Variants in ARFGEF1 observed in about 807,000 individuals in gnomAD.
ARFGEF1 encodes the protein ARF guanine nucleotide exchange factor 1.
ARFGEF1 carries 42 observed loss-of-function variants against 231.0 expected under a neutral mutation model. That is an observed-to-expected ratio of 0.18 (90% CI 0.14 to 0.24). The LOEUF is 0.24. Ranked by LOEUF, ARFGEF1 falls within the 10% of genes least tolerant of loss-of-function variation. The pLI is 1.00. For missense variants in ARFGEF1, 1,345 were observed against 2,192.0 expected (o/e 0.61, Z 7.72); for synonymous variants, 710 against 732.3 (o/e 0.97, Z 0.49).
chr8:67,231,627 GA>G (rs1730679357), intron 23 of ARFGEF1, among the ~76,000 whole-genome samples: 1 of 152,038 alleles, frequency 6.6e-6, no homozygotes, highest in African/African-American at 2.4e-5. Context: ...TGGAAGGCAA[GA>G]AAATCATTGA....
intron 29 of ARFGEF1, 60 bp downstream of exon 29, chr8:67,224,829 TGTTTATAAAGAAGA>T: frequency 9.5e-7 from 1 of 1,055,796 alleles, no homozygotes; most frequent in Non-Finnish European, 1.3e-6. Context: ...TGTGAGATTG[TGTTTATAAAGAAGA>T]GTTAATTTGA....
At chr8:67,204,576 T>C (rs1244566548) in intron 35 of ARFGEF1, 104 bp downstream of exon 35, 24 of 1,326,282 alleles carry the variant, frequency 1.8e-5, no homozygotes, top group Admixed American at 2.3e-5. Flanking sequence ...ATCTGTATGA[T>C]GAAGGCCCCA....
chr8:67,343,065 G>A, intron 1 of ARFGEF1, 99 bp downstream of exon 1: 5 of 1,371,096 alleles, frequency 3.6e-6, no homozygotes, highest in Non-Finnish European at 4.9e-6. Context: ...TCAGAGGCGC[G>A]GGCCTCGGGC....
In ARFGEF1 at chr8:67,203,361, A is replaced by G. The variant is rs1838400071; in HGVS notation, c.4960-110T>C. On this transcript the variant is annotated intron_variant, in intron 35 of 38. Transcript: ENST00000262215. ...TTTTACAAGAAAGCCACAGATACTC[A>G]GCTTGATCTAACCTAACAGAAAGTA... The G allele has an allele frequency of 2.3e-5, 28 of 1,243,992 alleles. 1 individual carries two copies. The South Asian group carries it at 3.9e-4, about 17-fold the overall frequency. 77.1% of individuals were successfully genotyped at this position (1,243,992 alleles called of 1,614,324 possible).
At chr8:67,202,586 T>C (rs1449606075) in intron 36 of ARFGEF1, among the ~76,000 whole-genome samples, 2 of 152,174 alleles carry the variant, frequency 1.3e-5, no homozygotes, top group African/African-American at 4.8e-5. Flanking sequence ...AAATTAACAA[T>C]GTCACTTTGG....
chr8:67,198,817 A>AC lies in ARFGEF1; in HGVS notation c.*116dup. On this transcript the variant is annotated 3_prime_UTR_variant, in exon 39 of 39. Coordinates refer to ENST00000262215, the MANE Select transcript of ARFGEF1 (RefSeq NM_006421.5). ...TTGAGTAAGACTTCTAAGCATCTTTACCAGTAACTCAGACACTGCAATCCA... is the reference window on the plus strand; with the variant it reads ...TTGAGTAAGACTTCTAAGCATCTTTACCCAGTAACTCAGACACTGCAATCCA... 1 of 1,486,208 alleles carries AC rather than the reference A, an allele frequency of 6.7e-7. No homozygotes were observed. Among genetic ancestry groups the AC allele is most frequent in the Non-Finnish European group, 8.9e-7 (1 of 1,123,336 alleles). 92.1% of individuals were successfully genotyped at this position (1,486,208 alleles called of 1,614,324 possible).
chr8:67,195,517 T>G, downstream of ARFGEF1: 1 of 1,614,206 alleles, frequency 6.2e-7, no homozygotes. Flanking sequence ...GCAGAGCAGC[T>G]GAACCAGGAG....
intron 1 of ARFGEF1, among the ~76,000 whole-genome samples, chr8:67,308,135 C>A (rs1005876114): frequency 6.6e-6 from 1 of 152,212 alleles, no homozygotes; most frequent in African/African-American, 2.4e-5. Flanking sequence ...CAGTTCCTGG[C>A]CATTCACATC....
chr8:67,261,011 C>CTAAGAAA (rs1804596654), intron 14 of ARFGEF1, among the ~76,000 whole-genome samples: 2 of 152,116 alleles, frequency 1.3e-5, no homozygotes, highest in Non-Finnish European at 2.9e-5. Context: ...GTCTATGAGG[C>CTAAGAAA]TAAGAAAGGT....
At chr8:67,313,498 C>G (rs1297684007) in intron 1 of ARFGEF1, among the ~76,000 whole-genome samples, 1 of 152,170 alleles carries the variant, frequency 6.6e-6, no homozygotes, top group South Asian at 2.1e-4. Flanking sequence ...GTACTCTCCC[C>G]CTTTTCCCAT....
chr8:67,338,760 A>G (rs1178857503), intron 1 of ARFGEF1, among the ~76,000 whole-genome samples: 1 of 152,216 alleles, frequency 6.6e-6, no homozygotes, highest in Non-Finnish European at 1.5e-5. Context: ...CCATCTCAAA[A>G]ATTCAGGTAG....
chr8:67,272,379 G>C (rs1005814469), intron 9 of ARFGEF1, among the ~76,000 whole-genome samples: 3 of 151,968 alleles, frequency 2.0e-5, no homozygotes, highest in Non-Finnish European at 2.9e-5. Context: ...TGTTAGTCAA[G>C]ATGGTCTTGA....
downstream of ARFGEF1, among the ~76,000 whole-genome samples, chr8:67,194,789 A>ACAAT (rs1308056924): frequency 1.6e-4 from 24 of 152,316 alleles, no homozygotes; most frequent in East Asian, 3.9e-4. Context: ...GAAGTTGCGT[A>ACAAT]CAATCAATCA....
intron 23 of ARFGEF1, among the ~76,000 whole-genome samples, chr8:67,231,741 C>T (rs1414440288): frequency 6.6e-6 from 1 of 151,964 alleles, no homozygotes; most frequent in African/African-American, 2.4e-5. Flanking sequence ...ATTACACAAG[C>T]CTAGTTGTGG....
intron 7 of ARFGEF1, among the ~76,000 whole-genome samples, chr8:67,282,562 T>C (rs553273263): frequency 3.9e-5 from 6 of 151,972 alleles, no homozygotes; most frequent in Non-Finnish European, 7.4e-5. Context: ...GAAATAAAAA[T>C]ATAGGCCAGG....
chr8:67,226,521 A>AAT (rs1839377691), intron 27 of ARFGEF1, among the ~76,000 whole-genome samples: 1 of 152,134 alleles, frequency 6.6e-6, no homozygotes, highest in Non-Finnish European at 1.5e-5. Context: ...AAATAATAAT[A>AAT]ATATACACAG....
rs4641048 is a variant in ARFGEF1 at position 67,291,878 on chromosome 8, C to A, written c.885G>T (p.Gln295His). The A allele has an allele frequency of 1.2e-6, 2 of 1,613,916 alleles. No homozygotes were observed. The highest frequency in any genetic ancestry group is 1.7e-6 in the Non-Finnish European group (2 of 1,179,852). Reference sequence around the variant, plus strand: ...CTGCAGTTGCCTGATCAGCTTCAGTCTGTTCATTTTCTGCACTGGAAATAT... The same window carrying A: ...CTGCAGTTGCCTGATCAGCTTCAGTATGTTCATTTTCTGCACTGGAAATAT... ...GSDISSAENE[Q>H]TEADQATAAE... is the part of the protein sequence containing the mutation. The change falls in exon 6 of 39, where the codon CAG becomes CAT. Residue 295 changes from glutamine (Q) to histidine (H), a missense_variant. By Grantham distance (24) the Gln-to-His change is conservative. Around this residue, in one of 14 missense-constraint regions of ARFGEF1, gnomAD observed 398 missense variants for 463.2 expected, o/e 0.86. Transcript: ENST00000262215.
At chr8:67,330,064 TCTTA>T (rs1055301683) in intron 1 of ARFGEF1, among the ~76,000 whole-genome samples, 39 of 152,182 alleles carry the variant, frequency 2.6e-4, no homozygotes, top group African/African-American at 8.7e-4. Context: ...AGCAAATCTT[TCTTA>T]AAGATATTTT....
chr8:67,236,365 AATATATATATATATATATATATAT>A (rs34297561), intron 22 of ARFGEF1, among the ~76,000 whole-genome samples: 15 of 29,068 alleles, frequency 5.2e-4, no homozygotes, highest in Admixed American at 1.4e-3. Flanking sequence ...AAAAAAAAAA[AATATATATATATATATATATATAT>A]ATATATATAT....
Sources: gnomAD v4.1 joint callset for allele counts (sites outside exome capture counted in the v4.1 genomes callset) on GRCh38, gnomAD v4.1.1 for gene constraint, gnomAD v4.1.1 regional missense constraint, MANE v1.5 for transcripts, NCBI Gene and HGNC (gene_info 2026-07-23, HGNC 2026-07-21) for gene names.